The following OPN5 variants were observed in gnomAD, a reference collection of about 807,000 sequenced individuals.
OPN5 encodes opsin 5.
In OPN5, 18 loss-of-function variants were observed where a neutral mutation model predicts 41.7. The ratio of observed to expected loss-of-function variants is 0.43; its 90% confidence interval spans 0.30 to 0.64. The LOEUF (loss-of-function observed/expected upper bound fraction) is 0.64, where lower values mean the gene tolerates loss of function less well. Ranked by LOEUF, OPN5 falls within the 30% of genes least tolerant of loss-of-function variation. OPN5 has a pLI of 0.13. For missense variants in OPN5, 318 were observed against 434.5 expected (o/e 0.73, Z 2.38); for synonymous variants, 178 against 164.3 (o/e 1.08, Z -0.64).
At chr6:47,816,736 G>T (rs1027074230) in intron 6 of OPN5, among the ~76,000 whole-genome samples, 1 of 152,052 alleles carries the variant, frequency 6.6e-6, no homozygotes, top group Non-Finnish European at 1.5e-5. Flanking sequence ...AGTGTCGCTG[G>T]TTGTCCTCAT....
At chr6:47,787,375 A>G (rs192395761) in intron 2 of OPN5, 1 of 153,142 alleles carries the variant, frequency 6.5e-6, no homozygotes, top group East Asian at 1.9e-4. Flanking sequence ...TTTCTCCTTC[A>G]CTATAATTCA....
chr6:47,797,180 C>G (rs1323973560), intron 4 of OPN5, among the ~76,000 whole-genome samples: 1 of 152,162 alleles, frequency 6.6e-6, no homozygotes, highest in Non-Finnish European at 1.5e-5. Flanking sequence ...ATATCACATA[C>G]TGTGAGCTAG....
chr6:47,805,825 G>A (rs916014021), intron 4 of OPN5, among the ~76,000 whole-genome samples: 2 of 152,162 alleles, frequency 1.3e-5, no homozygotes, highest in Admixed American at 6.6e-5. Context: ...TGACCCTGAT[G>A]TTGGGAATTG....
intron 5 of OPN5, among the ~76,000 whole-genome samples, chr6:47,809,948 G>A (rs540993454): frequency 2.0e-5 from 3 of 152,280 alleles, no homozygotes; most frequent in South Asian, 2.1e-4. Flanking sequence ...CACGTGCCTC[G>A]TAATTTTGCC....
chr6:47,808,234 G>A (rs1774051518), exon 5 of OPN5: 1 of 1,613,852 alleles, frequency 6.2e-7, no homozygotes, highest in African/African-American at 1.3e-5. Flanking sequence ...CTTTTGGAAG[G>A]CCAGACTCCA....
chr6:47,803,354 T>C (rs1773846906), intron 4 of OPN5, among the ~76,000 whole-genome samples: 1 of 152,136 alleles, frequency 6.6e-6, no homozygotes, highest in Non-Finnish European at 1.5e-5. Flanking sequence ...TAACTGGAAT[T>C]ACTGTCTTTT....
intron 2 of OPN5, 114 bp downstream of exon 2, chr6:47,786,748 T>C: frequency 1.1e-6 from 1 of 889,422 alleles, no homozygotes; most frequent in East Asian, 2.5e-5. Flanking sequence ...CTCCTTCCAC[T>C]CTTCGCTTCA....
intron 4 of OPN5, 42 bp downstream of exon 4, chr6:47,795,605 T>C (rs1392702826): frequency 1.5e-6 from 2 of 1,344,348 alleles, no homozygotes; most frequent in Non-Finnish European, 2.1e-6. Context: ...TCTGACTACT[T>C]ACAACTTCAT....
intron 2 of OPN5, 30 bp from the exon 3 acceptor site, chr6:47,791,772 C>T (rs1009447677): frequency 5.6e-6 from 9 of 1,607,526 alleles, no homozygotes; most frequent in Middle Eastern, 1.7e-4. Flanking sequence ...ACCAGAGGAA[C>T]GTCTGTTGAC....
At chr6:47,825,319 A>C (rs1473350837), downstream of OPN5, 2 of 152,248 alleles carry the variant, frequency 1.3e-5, no homozygotes, top group Non-Finnish European at 2.9e-5. Flanking sequence ...GGTATGGTTA[A>C]AATAACATTT....
intron 2 of OPN5, among the ~76,000 whole-genome samples, chr6:47,788,304 T>C (rs1333086651): frequency 6.6e-6 from 1 of 152,240 alleles, no homozygotes; most frequent in Non-Finnish European, 1.5e-5. Flanking sequence ...TACCTGGTAT[T>C]GAGCGTAACA....
intron 6 of OPN5, among the ~76,000 whole-genome samples, chr6:47,814,172 T>C (rs2113999206): frequency 6.6e-6 from 1 of 152,072 alleles, no homozygotes; most frequent in African/African-American, 2.4e-5. Context: ...GTTTTTTTTT[T>C]CCTTCTTCTT....
intron 5 of OPN5, among the ~76,000 whole-genome samples, chr6:47,809,226 T>A (rs932946999): frequency 4.6e-5 from 7 of 152,000 alleles, no homozygotes; most frequent in Admixed American, 6.6e-5. Flanking sequence ...AGGTGAGGGG[T>A]GTTGAGATGG....
At chr6:47,795,552 A>C in exon 4 of OPN5, 1 of 1,611,924 alleles carries the variant, frequency 6.2e-7, no homozygotes, top group Non-Finnish European at 8.5e-7. Context: ...GCTGGAAATG[A>C]AACTGACAAA....
chr6:47,796,749 T>C (rs1773584432), intron 4 of OPN5, among the ~76,000 whole-genome samples: 1 of 152,176 alleles, frequency 6.6e-6, no homozygotes, highest in Admixed American at 6.5e-5. Context: ...TTGGTTCTGG[T>C]AATATGCCTC....
At chr6:47,787,336 T>A in intron 2 of OPN5, 1 of 180,346 alleles carries the variant, frequency 5.5e-6, no homozygotes, top group Non-Finnish European at 1.1e-5. Flanking sequence ...TTCACTTCTC[T>A]AATAACATGG....
chr6:47,810,223 G>A (rs1216819906), intron 5 of OPN5, among the ~76,000 whole-genome samples: 1 of 152,202 alleles, frequency 6.6e-6, no homozygotes, highest in Non-Finnish European at 1.5e-5. Context: ...AAAGCAGGCG[G>A]TAGAGCTGAA....
chr6:47,818,189 C>A (rs1252173726), intron 6 of OPN5, among the ~76,000 whole-genome samples: 1 of 152,060 alleles, frequency 6.6e-6, no homozygotes. Context: ...TGAACAAAAT[C>A]TAATTAGTTA....
chr6:47,801,074 A>G (rs2113973627), intron 4 of OPN5, among the ~76,000 whole-genome samples: 1 of 152,284 alleles, frequency 6.6e-6, no homozygotes, highest in African/African-American at 2.4e-5. Context: ...TGTATGAGCC[A>G]TCAGAGCACT....
Sources: allele counts gnomAD v4.1 joint callset (sites outside exome capture counted in the v4.1 genomes callset), GRCh38; gene constraint gnomAD v4.1.1; transcripts MANE v1.5; gene names NCBI Gene and HGNC (gene_info 2026-07-23, HGNC 2026-07-21).